DCAF6: variants seen among roughly 807,000 people sequenced by gnomAD.
The protein encoded by DCAF6 is DDB1- and CUL4-associated factor 6.
In DCAF6, 54 loss-of-function variants were observed where a neutral mutation model predicts 125.1. That is an observed-to-expected ratio of 0.43 (90% confidence interval 0.35 to 0.54). DCAF6 has a LOEUF of 0.54. Among genes scored for constraint, DCAF6 ranks in the 20% least tolerant of loss-of-function variants. The pLI is 0.01. For missense variants in DCAF6, 934 were observed against 1,161.7 expected, an observed-to-expected ratio of 0.80 and a Z score of 2.85; for synonymous variants, 371 against 390.4, an observed-to-expected ratio of 0.95 and a Z score of 0.58.
At chr1:168,053,559 A>G (rs554318400) in intron 17 of DCAF6, among the ~76,000 whole-genome samples, 1 of 152,352 alleles carries the variant, frequency 6.6e-6, no homozygotes, top group East Asian at 1.9e-4. Context: ...GATCAGACAC[A>G]GTGGAAGAAT....
chr1:168,074,381 A>G (rs2102048057), intron 21 of DCAF6, among the ~76,000 whole-genome samples: 1 of 152,278 alleles, frequency 6.6e-6, no homozygotes. Flanking sequence ...GGGCAGAAAC[A>G]TCCTAGTTCC....
chr1:167,876,190 G>C, the DCAF6 span, among the ~76,000 whole-genome samples: 1 of 151,352 alleles, frequency 6.6e-6, no homozygotes, highest in East Asian at 1.9e-4. Flanking sequence ...CCAAGAGACA[G>C]AGGTTGCAGT....
chr1:167,897,284 G>A, the DCAF6 span, among the ~76,000 whole-genome samples: 1 of 149,256 alleles, frequency 6.7e-6, no homozygotes, highest in Admixed American at 6.7e-5. Context: ...TCAGGAGTTC[G>A]AGACCAGCCT....
the DCAF6 span, among the ~76,000 whole-genome samples, chr1:167,918,712 GC>G: frequency 6.6e-6 from 1 of 150,754 alleles, no homozygotes; most frequent in African/African-American, 2.4e-5. Context: ...TCCTGCCTCA[GC>G]CCCCCGAGTA....
chr1:167,968,218 A>G (rs540919971), intron 3 of DCAF6, among the ~76,000 whole-genome samples: 10 of 152,340 alleles, frequency 6.6e-5, no homozygotes, highest in South Asian at 4.1e-4. Context: ...ATTACTACCT[A>G]TATCAGGAGA....
chr1:167,906,650 G>T, the DCAF6 span, among the ~76,000 whole-genome samples: 2 of 151,716 alleles, frequency 1.3e-5, no homozygotes, highest in African/African-American at 4.8e-5. Context: ...ATTGCTGGGT[G>T]TGGTGGCATG....
chr1:167,881,191 T>G, the DCAF6 span, among the ~76,000 whole-genome samples: 1 of 152,236 alleles, frequency 6.6e-6, no homozygotes, highest in South Asian at 2.1e-4. Flanking sequence ...AGGCTTAGGC[T>G]GTAAGTAGGT....
chr1:167,986,210 G>A (rs189418237), intron 4 of DCAF6, among the ~76,000 whole-genome samples: 4 of 152,280 alleles, frequency 2.6e-5, no homozygotes, highest in Admixed American at 1.3e-4. Flanking sequence ...CCATGCAGGC[G>A]TTTATTTTTA....
intron 1 of DCAF6, among the ~76,000 whole-genome samples, chr1:167,944,668 T>C (rs1672789732): frequency 6.6e-6 from 1 of 152,232 alleles, no homozygotes; most frequent in South Asian, 2.1e-4. Context: ...TTTTGGTTGT[T>C]GAATCGTTTG....
At chr1:167,955,969 C>T (rs183253966) in intron 2 of DCAF6, among the ~76,000 whole-genome samples, 5 of 152,164 alleles carry the variant, frequency 3.3e-5, no homozygotes, top group East Asian at 1.9e-4. Context: ...TTATGTTGCC[C>T]GTCTGGTCTT....
At chr1:167,887,771 A>T in the DCAF6 span, among the ~76,000 whole-genome samples, 1 of 151,392 alleles carries the variant, frequency 6.6e-6, no homozygotes, top group Non-Finnish European at 1.5e-5. Context: ...ATCTGATAAA[A>T]TAATTCTAAA....
intron 1 of DCAF6, among the ~76,000 whole-genome samples, chr1:167,941,750 T>A (rs1260288653): frequency 2.0e-5 from 3 of 152,192 alleles, no homozygotes; most frequent in African/African-American, 4.8e-5. Flanking sequence ...AATTTTTTTT[T>A]AAACACTGCT....
At chr1:167,970,944 G>A (rs1263297551) in intron 3 of DCAF6, among the ~76,000 whole-genome samples, 5 of 152,098 alleles carry the variant, frequency 3.3e-5, no homozygotes, top group African/African-American at 1.2e-4. Flanking sequence ...ACCCTATTAT[G>A]GCATAGGTGA....
At chr1:167,894,107 C>G in the DCAF6 span, among the ~76,000 whole-genome samples, 4 of 152,102 alleles carry the variant, frequency 2.6e-5, no homozygotes, top group Admixed American at 2.6e-4. Context: ...CAGGGGAAAT[C>G]CAAAGAGGAG....
chr1:167,966,796 C>T, intron 3 of DCAF6, 75 bp downstream of exon 3: 1 of 918,168 alleles, frequency 1.1e-6, no homozygotes, highest in Non-Finnish European at 1.8e-6. Context: ...AAACTGTGAA[C>T]AGTCATAGAA....
the DCAF6 span, among the ~76,000 whole-genome samples, chr1:167,909,890 G>A: frequency 6.6e-6 from 1 of 152,158 alleles, no homozygotes; most frequent in Admixed American, 6.5e-5. Flanking sequence ...AGTAAAAGCT[G>A]AAAAACACAG....
chr1:168,049,357 C>T (rs624006), intron 16 of DCAF6, among the ~76,000 whole-genome samples: 101 of 151,986 alleles, frequency 6.6e-4, no homozygotes, highest in African/African-American at 2.2e-3. Context: ...ATCTTCCTCC[C>T]TCAGTCTCCC....
intron 4 of DCAF6, among the ~76,000 whole-genome samples, chr1:167,983,520 G>A (rs1571796896): frequency 6.6e-6 from 1 of 152,232 alleles, no homozygotes; most frequent in African/African-American, 2.4e-5. Context: ...TGTGTGTTTG[G>A]GTTGCCTTCA....
chr1:168,067,770 CT>C (rs1250430463), intron 20 of DCAF6, among the ~76,000 whole-genome samples: 1 of 151,972 alleles, frequency 6.6e-6, no homozygotes, highest in Admixed American at 6.6e-5. Flanking sequence ...CCTTTTTTTC[CT>C]TTGCCATGTT....
Sources: allele counts gnomAD v4.1 joint callset (sites outside exome capture counted in the v4.1 genomes callset), GRCh38; gene constraint gnomAD v4.1.1; transcripts MANE v1.5; gene names NCBI Gene and HGNC (gene_info 2026-07-23, HGNC 2026-07-21).